Variants in ELOA2 observed in about 807,000 individuals in gnomAD.
ELOA2 encodes the protein elongin A2.
For missense variants in ELOA2, 1,271 were observed against 979.7 expected, an observed-to-expected ratio of 1.30 and a Z score of -3.97; for synonymous variants, 497 against 398.8, an observed-to-expected ratio of 1.25 and a Z score of -2.94.
rs568483295 is a variant in ELOA2, at chr18:47,035,354, C to A, written c.-90G>T. On this transcript the variant is annotated 5_prime_UTR_variant, in exon 1 of 1. Transcript: ENST00000332567. ...CAGGAAGTCTGGGGTGGCCGGTCCT[C>A]GCTGCCCGGTCGCCAGGCAGCGACC... The A allele has an allele frequency of 6.3e-7, 1 of 1,590,860 alleles. No homozygotes were observed. The highest frequency in any genetic ancestry group is 8.6e-7 in the Non-Finnish European group (1 of 1,168,192).
rs775315284 is a variant in ELOA2, at chr18:47,034,068, A to G, written c.1197T>C (p.Thr399=). The part of the protein sequence containing the change: ...YDQLRKQKKK[T]GKSATTALGD... ...CAAGTGCAGTGGTGGCAGATTTTCC[A>G]GTCTTTTTCTTTTGCTTCCGCAACT... The change falls in exon 1 of 1, where the codon ACT becomes ACC. Residue 399 remains threonine, a synonymous_variant. Coordinates refer to ENST00000332567, the MANE Select transcript of ELOA2 (RefSeq NM_016427.3). The G allele has an allele frequency of 2.5e-6, 4 of 1,614,064 alleles. No homozygotes were observed. Among genetic ancestry groups the G allele is most frequent in the Non-Finnish European group, 3.4e-6 (4 of 1,180,044 alleles).
rs1317624888 is a variant in ELOA2, at chr18:47,035,420, G to A, written c.-156C>T. 1 of 1,450,638 alleles carries A rather than the reference G, an allele frequency of 6.9e-7. No homozygotes were observed. The highest frequency in any genetic ancestry group is 9.2e-7 in the Non-Finnish European group (1 of 1,089,978). 89.9% of individuals were successfully genotyped at this position (1,450,638 alleles called of 1,614,324 possible). A position where few individuals can be genotyped will look rare whatever the true frequency, so the allele number is the denominator to read the frequency against. Reference sequence around the variant, plus strand: ...ACAGCCTGGAGCGAGCTGGGTCCTCGGAGCAGCAGGCCACTTGGTCTGGAA... The same window carrying A: ...ACAGCCTGGAGCGAGCTGGGTCCTCAGAGCAGCAGGCCACTTGGTCTGGAA... On this transcript the variant is annotated 5_prime_UTR_variant, in exon 1 of 1. Transcript: ENST00000332567.
In ELOA2 at chr18:47,033,404, C is replaced by T; in HGVS notation, c.1861G>A (p.Val621Ile). Residue 621 changes from valine (V) to isoleucine (I), a missense_variant, in exon 1 of 1, where the codon GTA becomes ATA. Transcript: ENST00000332567. ...LPDAPEQRLR[V>I]MTTNIRSARG... ...GCAGATCGGATATTCGTTGTCATTA[C>T]TCTCAGCCGCTGCTCTGGGGCGTCC... 1.2e-6 allele frequency: 2 copies of T among 1,614,176 alleles called. No homozygotes were observed. The highest frequency in any genetic ancestry group is 1.7e-6 in the Non-Finnish European group (2 of 1,180,040).
At position 47,035,486 on chromosome 18, in the gene ELOA2, C is replaced by G. The variant is rs979300793; in HGVS notation, c.-222G>C. ...ACAGCTGAGCAGGCCCGCTTTTGTT[C>G]CTCGGGATGTGGAGCCACAGCCTGG... On this transcript the variant is annotated 5_prime_UTR_variant, in exon 1 of 1. Transcript: ENST00000332567. 1.7e-5 allele frequency: 16 copies of G among 949,142 alleles called. No homozygotes were observed. Among genetic ancestry groups the G allele is most frequent in the Non-Finnish European group, 2.3e-5 (15 of 642,178 alleles). The allele number at this position is 949,142 out of a possible 1,614,324, so 58.8% of individuals were successfully genotyped here.
the ELOA2 span, chr18:47,034,132 TG>T: frequency 1.2e-6 from 2 of 1,614,232 alleles, no homozygotes; most frequent in Non-Finnish European, 1.7e-6. Context: ...CAGAGTGGGC[TG>T]CTCGAATTCC....
chr18:47,034,735 G>C lies in ELOA2; in HGVS notation c.530C>G (p.Pro177Arg), dbSNP rs766491600. Residue 177 changes from proline to arginine, a missense_variant, in exon 1 of 1, where the codon CCC becomes CGC. Transcript: ENST00000332567. ...RYRASPTRTA[P>R]LRMPEGPEPA... Reference sequence around the variant, plus strand: ...CTCAGGGCCCTCGGGCATCCGGAGGGGAGCTGTGCGCGTTGGAGAGGCCCG... The same window carrying C: ...CTCAGGGCCCTCGGGCATCCGGAGGCGAGCTGTGCGCGTTGGAGAGGCCCG... 4 of 1,612,896 alleles carry C rather than the reference G, an allele frequency of 2.5e-6. No homozygotes were observed. In the African/African-American group the frequency reaches 5.3e-5, roughly 22 times the overall value.
rs1351533937 is a variant in ELOA2 at position 47,032,671 on chromosome 18, A to G, written c.*332T>C. On this transcript the variant is annotated 3_prime_UTR_variant, in exon 1 of 1. Coordinates refer to ENST00000332567, the MANE Select transcript of ELOA2 (RefSeq NM_016427.3). The stretch of plus-strand genomic sequence containing the variant: ...CTTATCTACTTGATTTCGAAAAAAA[A>G]AAGAAAGGAAAAAGGAAATCTCACA... 1 of 388,468 alleles carries G rather than the reference A, an allele frequency of 2.6e-6. No individual in the cohort carries two copies. The highest frequency in any genetic ancestry group is 5.4e-5 in the East Asian group (1 of 18,600). The allele number at this position is 388,468 out of a possible 1,614,324, so 24.1% of individuals were successfully genotyped here.
Sources: gnomAD v4.1 joint callset for allele counts on GRCh38, gnomAD v4.1.1 for gene constraint, MANE v1.5 for transcripts, NCBI Gene and HGNC (gene_info 2026-07-23, HGNC 2026-07-21) for gene names.